The following MGAT5 variants were observed in gnomAD, a reference collection of about 807,000 sequenced individuals.
MGAT5 encodes the protein alpha-1,6-mannosylglycoprotein 6-beta-N-acetylglucosaminyltransferase A.
MGAT5 carries 30 observed loss-of-function variants against 94.3 expected under a neutral mutation model. That is an observed-to-expected ratio of 0.32 (90% CI 0.24 to 0.43). MGAT5 has a LOEUF of 0.43. Among genes scored for constraint, MGAT5 ranks in the 20% least tolerant of loss-of-function variants. The pLI is 1.00. For synonymous variants in MGAT5, 310 were observed against 322.9 expected (o/e 0.96, Z 0.43); for missense variants, 691 against 905.5 (o/e 0.76, Z 3.04).
chr2:134,172,540 C>T (rs190792621), intron 1 of MGAT5, among the ~76,000 whole-genome samples: 2 of 152,272 alleles, frequency 1.3e-5, no homozygotes, highest in East Asian at 3.9e-4. Context: ...GTGCCCACCA[C>T]CACGCCCAGC....
intron 12 of MGAT5, among the ~76,000 whole-genome samples, chr2:134,415,347 A>G (rs1033706948): frequency 6.6e-6 from 1 of 152,156 alleles, no homozygotes. Context: ...TGTGGTTTCA[A>G]TGTGCATCTC....
At chr2:134,243,728 C>T (rs760492765) in intron 1 of MGAT5, among the ~76,000 whole-genome samples, 1 of 152,180 alleles carries the variant, frequency 6.6e-6, no homozygotes, top group Non-Finnish European at 1.5e-5. Flanking sequence ...CACTGCTTAG[C>T]TAGTTCATTT....
intron 1 of MGAT5, among the ~76,000 whole-genome samples, chr2:134,263,495 C>T (rs751048479): frequency 1.1e-4 from 17 of 152,242 alleles, no homozygotes; most frequent in Non-Finnish European, 1.8e-4. Flanking sequence ...ATCTGAGCTG[C>T]TCTTTGACTT....
At chr2:134,196,884 A>G (rs1165078954) in intron 1 of MGAT5, among the ~76,000 whole-genome samples, 1 of 152,200 alleles carries the variant, frequency 6.6e-6, no homozygotes, top group Non-Finnish European at 1.5e-5. Flanking sequence ...CCTATCTCAT[A>G]TTTTAATAGG....
At chr2:134,170,037 A>G (rs560900900) in intron 1 of MGAT5, among the ~76,000 whole-genome samples, 1 of 152,336 alleles carries the variant, frequency 6.6e-6, no homozygotes, top group East Asian at 1.9e-4. Flanking sequence ...CTCATAAGGA[A>G]AATTGCCATA....
At chr2:134,149,436 C>T (rs868206148) in intron 1 of MGAT5, among the ~76,000 whole-genome samples, 12 of 152,088 alleles carry the variant, frequency 7.9e-5, no homozygotes, top group South Asian at 4.1e-4. Context: ...AAAAAAAATC[C>T]CTGTGCATCT....
intron 1 of MGAT5, among the ~76,000 whole-genome samples, chr2:134,169,846 C>T (rs1451490648): frequency 1.3e-5 from 2 of 152,014 alleles, no homozygotes; most frequent in Admixed American, 6.6e-5. Context: ...CCAAGGGTGG[C>T]GCAGTAGTTT....
At chr2:134,299,278 C>T (rs1014921032) in intron 2 of MGAT5, among the ~76,000 whole-genome samples, 3 of 152,164 alleles carry the variant, frequency 2.0e-5, no homozygotes, top group Non-Finnish European at 4.4e-5. Context: ...AAACAAATTC[C>T]AATTAGAGGA....
chr2:134,421,897 G>A (rs1684317304), intron 12 of MGAT5, among the ~76,000 whole-genome samples: 1 of 152,148 alleles, frequency 6.6e-6, no homozygotes, highest in South Asian at 2.1e-4. Flanking sequence ...ACTGAGCACA[G>A]TGGCTTGTGC....
At chr2:134,221,488 T>C (rs897678107) in intron 1 of MGAT5, among the ~76,000 whole-genome samples, 4 of 151,966 alleles carry the variant, frequency 2.6e-5, no homozygotes, top group South Asian at 4.2e-4. Context: ...AGAGAGCAGG[T>C]TGTAAAATGT....
chr2:134,223,313 G>C (rs577483567), intron 1 of MGAT5, among the ~76,000 whole-genome samples: 9 of 152,290 alleles, frequency 5.9e-5, no homozygotes, highest in Admixed American at 5.9e-4. Flanking sequence ...GTCCCTGGGC[G>C]TAGAGCAGGG....
chr2:134,318,841 T>C lies in MGAT5; in HGVS notation c.573+102T>C, dbSNP rs1046140694. On this transcript the variant is annotated intron_variant, in intron 4 of 15. Transcript: ENST00000281923. Reference sequence around the variant, plus strand: ...AGCTTGAAAACGTGTGGTATTTTTATGTGGAGGACCTATGGTTCCGTCCTT... The same window carrying C: ...AGCTTGAAAACGTGTGGTATTTTTACGTGGAGGACCTATGGTTCCGTCCTT... The C allele has an allele frequency of 2.9e-5, 22 of 757,858 alleles. 2 individuals are homozygous for C. Among genetic ancestry groups the C allele is most frequent in the Admixed American group, 2.3e-4 (11 of 47,536 alleles). The allele number at this position is 757,858 out of a possible 1,614,324, so 46.9% of individuals were successfully genotyped here. A position where few individuals can be genotyped will look rare whatever the true frequency, so the allele number is the denominator to read the frequency against.
At chr2:134,247,505 G>T (rs1682354287) in intron 1 of MGAT5, among the ~76,000 whole-genome samples, 1 of 151,910 alleles carries the variant, frequency 6.6e-6, no homozygotes, top group Admixed American at 6.6e-5. Flanking sequence ...GATATAAATT[G>T]ATACGTATAT....
rs200252813 is a variant in MGAT5, at chr2:134,127,090, C to CTGT, written c.-143+6800_-143+6802dup. 7.9e-3 allele frequency: 1,218 copies of CTGT among 154,832 alleles called. 9 individuals are homozygous for CTGT. Among genetic ancestry groups the CTGT allele is most frequent in the African/African-American group, 0.022 (909 of 41,576 alleles). The allele number at this position is 154,832 out of a possible 1,614,324, so 9.6% of individuals were successfully genotyped here. ...TGGTATACTTCCTTCGTCCCCTTTCCTGTAATTTTTTAGAGCACCTAGTTA... is the reference window on the plus strand; with the variant it reads ...TGGTATACTTCCTTCGTCCCCTTTCCTGTTGTAATTTTTTAGAGCACCTAGTTA... On this transcript the variant is annotated intron_variant, in intron 1 of 16. Coordinates refer to the MGAT5 transcript ENST00000409645.
At chr2:134,321,889 A>C (rs1211452656) in intron 4 of MGAT5, among the ~76,000 whole-genome samples, 1 of 152,206 alleles carries the variant, frequency 6.6e-6, no homozygotes, top group African/African-American at 2.4e-5. Context: ...CCTTCTTACA[A>C]GTTTTAATCT....
intron 1 of MGAT5, among the ~76,000 whole-genome samples, chr2:134,145,449 G>C (rs1483287926): frequency 3.3e-5 from 5 of 152,204 alleles, no homozygotes; most frequent in African/African-American, 1.2e-4. Flanking sequence ...GGGAGGCCGA[G>C]GCAGGAGAAT....
At chr2:134,347,384 T>C (rs2106033222) in intron 8 of MGAT5, among the ~76,000 whole-genome samples, 1 of 152,324 alleles carries the variant, frequency 6.6e-6, no homozygotes, top group Non-Finnish European at 1.5e-5. Context: ...CTAGGCGCTG[T>C]GCAAAGTCCG....
Position 134,441,918 on chromosome 2 carries a change from A to G in MGAT5, c.2027+3A>G. 6.2e-7 allele frequency: 1 copy of G among 1,605,768 alleles called. No homozygotes were observed. Among genetic ancestry groups the G allele is most frequent in the Non-Finnish European group, 8.5e-7 (1 of 1,172,994 alleles). ...AACAAGGACAAGGACATGCTGAAGT[A>G]AGTGCCCTGGGGTGGGGGTGGGGAC... On this transcript the variant is annotated splice_donor_region_variant and intron_variant, in intron 15 of 15. Coordinates refer to ENST00000281923, the MANE Select transcript of MGAT5 (RefSeq NM_002410.5).
At chr2:134,147,101 T>A (rs560943500) in intron 1 of MGAT5, among the ~76,000 whole-genome samples, 38 of 145,952 alleles carry the variant, frequency 2.6e-4, no homozygotes, top group Non-Finnish European at 4.6e-4. Flanking sequence ...TCGCTCTCTT[T>A]CTTTTTTCCT....
Sources: allele counts gnomAD v4.1 joint callset (sites outside exome capture counted in the v4.1 genomes callset), GRCh38; gene constraint gnomAD v4.1.1; transcripts MANE v1.5; gene names NCBI Gene and HGNC (gene_info 2026-07-23, HGNC 2026-07-21).